The following SMCO4 variants were observed in gnomAD, a reference collection of about 807,000 sequenced individuals.
The protein encoded by SMCO4 is single-pass membrane protein with coiled-coil domains 4.
SMCO4 carries 4 observed loss-of-function variants against 3.6 expected under a neutral mutation model. The ratio of observed to expected loss-of-function variants is 1.11; its 90% CI spans 0.54 to 2.53. SMCO4 has a LOEUF of 2.53. SMCO4 is among the 30% of genes most tolerant of loss of function. The pLI is 0.02. For synonymous variants in SMCO4, 36 were observed against 35.3 expected (o/e 1.02, Z -0.07); for missense variants, 70 against 80.8 (o/e 0.87, Z 0.51).
At chr11:93,497,548 C>G (rs1039270077) in intron 2 of SMCO4, among the ~76,000 whole-genome samples, 3 of 152,066 alleles carry the variant, frequency 2.0e-5, no homozygotes, top group Non-Finnish European at 4.4e-5. Flanking sequence ...AGACTCTCAA[C>G]AGAAGGTCAA....
Position 93,484,359 on chromosome 11 carries a change from G to A in SMCO4, c.-80-5090C>T, listed in dbSNP as rs1948624409. Among the ~76,000 whole-genome samples, 3 of 152,130 alleles carry A rather than the reference G, an allele frequency of 2.0e-5. No homozygotes were observed. In the South Asian group the frequency reaches 6.2e-4, roughly 32 times the overall value. ...CTTATATGCACTTTTCTCCGATTTG[G>A]AGATTATAATGTACACAGAGTGTTA... On this transcript the variant is annotated intron_variant, in intron 2 of 2. Coordinates refer to ENST00000298966, the MANE Select transcript of SMCO4 (RefSeq NM_020179.3).
chr11:93,490,744 A>T (rs1371241869), intron 2 of SMCO4, among the ~76,000 whole-genome samples: 1 of 152,242 alleles, frequency 6.6e-6, no homozygotes, highest in African/African-American at 2.4e-5. Context: ...GAAGTGCTAG[A>T]TTTAGCTGCG....
At chr11:93,495,463 G>A (rs1267294428) in intron 2 of SMCO4, among the ~76,000 whole-genome samples, 2 of 152,054 alleles carry the variant, frequency 1.3e-5, no homozygotes, top group Non-Finnish European at 2.9e-5. Context: ...GACACACACA[G>A]GAGTAAAGCT....
At chr11:93,551,335 A>G in the SMCO4 span, among the ~76,000 whole-genome samples, 90 of 152,328 alleles carry the variant, frequency 5.9e-4, no homozygotes, top group Non-Finnish European at 6.6e-4. Flanking sequence ...GTATTGGCCC[A>G]GTGAGGAACC....
At chr11:93,508,886 C>G (rs1428686377) in intron 1 of SMCO4, among the ~76,000 whole-genome samples, 1 of 152,218 alleles carries the variant, frequency 6.6e-6, no homozygotes, top group African/African-American at 2.4e-5. Flanking sequence ...AAGTAGACCT[C>G]TGCAGAGCCT....
chr11:93,535,399 T>A, intron 1 of SMCO4: 1 of 901,946 alleles, frequency 1.1e-6, no homozygotes, highest in Non-Finnish European at 1.7e-6. Flanking sequence ...GCAATAAGAA[T>A]CAAGAAGCCA....
intron 2 of SMCO4, among the ~76,000 whole-genome samples, chr11:93,481,036 C>CAG (rs1462658768): frequency 1.1e-5 from 1 of 91,402 alleles, no homozygotes; most frequent in Admixed American, 1.4e-4. Flanking sequence ...AAATAAGGAA[C>CAG]AGAGAGAAAA....
At chr11:93,518,713 A>AT (rs1949031198) in intron 1 of SMCO4, among the ~76,000 whole-genome samples, 1 of 152,234 alleles carries the variant, frequency 6.6e-6, no homozygotes, top group Non-Finnish European at 1.5e-5. Context: ...AAGAGAAAAG[A>AT]TATGTAATTC....
At chr11:93,487,364 G>T (rs1241036435) in intron 2 of SMCO4, among the ~76,000 whole-genome samples, 1 of 152,164 alleles carries the variant, frequency 6.6e-6, no homozygotes, top group Non-Finnish European at 1.5e-5. Context: ...AGCCACACAG[G>T]TGCCAGCTCC....
chr11:93,507,867 T>C (rs151135664), intron 1 of SMCO4, among the ~76,000 whole-genome samples: 2,007 of 152,316 alleles, frequency 0.013, 21 homozygotes, highest in Non-Finnish European at 0.021. Flanking sequence ...TGCAAAAGCA[T>C]TTATGAGACT....
At chr11:93,518,247 C>T (rs893233151) in intron 1 of SMCO4, among the ~76,000 whole-genome samples, 3 of 152,150 alleles carry the variant, frequency 2.0e-5, no homozygotes, top group South Asian at 2.1e-4. Flanking sequence ...CATGTTCTTG[C>T]GGTTTATGCA....
chr11:93,509,185 G>A (rs1182454338), intron 1 of SMCO4, among the ~76,000 whole-genome samples: 2 of 152,050 alleles, frequency 1.3e-5, no homozygotes, highest in Non-Finnish European at 2.9e-5. Flanking sequence ...CAGATACTCG[G>A]GAGGCCAAAG....
chr11:93,549,348 G>T, the SMCO4 span, among the ~76,000 whole-genome samples: 1 of 152,182 alleles, frequency 6.6e-6, no homozygotes, highest in Non-Finnish European at 1.5e-5. Flanking sequence ...TAACCTCTTT[G>T]GTCATAGTTC....
chr11:93,515,818 C>T (rs1217660452), intron 1 of SMCO4, among the ~76,000 whole-genome samples: 4 of 152,194 alleles, frequency 2.6e-5, no homozygotes, highest in Admixed American at 6.5e-5. Context: ...CACCACTGTA[C>T]GTCTCCCCAG....
intron 1 of SMCO4, among the ~76,000 whole-genome samples, chr11:93,515,065 A>C (rs2134614891): frequency 6.6e-6 from 1 of 152,314 alleles, no homozygotes; most frequent in Non-Finnish European, 1.5e-5. Context: ...AGCTCATCTG[A>C]CCTGGAGGCA....
intron 1 of SMCO4, chr11:93,535,505 C>A: frequency 1.4e-6 from 2 of 1,387,224 alleles, no homozygotes; most frequent in Non-Finnish European, 2.0e-6. Flanking sequence ...CCTGACGGAG[C>A]TGACCAGACT....
At chr11:93,487,364 G>A (rs1241036435) in intron 2 of SMCO4, among the ~76,000 whole-genome samples, 1 of 152,164 alleles carries the variant, frequency 6.6e-6, no homozygotes, top group Non-Finnish European at 1.5e-5. Context: ...AGCCACACAG[G>A]TGCCAGCTCC....
intron 1 of SMCO4, among the ~76,000 whole-genome samples, chr11:93,534,825 G>A (rs1178443751): frequency 6.6e-6 from 1 of 152,184 alleles, no homozygotes; most frequent in East Asian, 1.9e-4. Context: ...GAAGCCACCA[G>A]ACGCCTTCTC....
chr11:93,516,405 A>G (rs1322213183), intron 1 of SMCO4, among the ~76,000 whole-genome samples: 1 of 152,238 alleles, frequency 6.6e-6, no homozygotes, highest in Non-Finnish European at 1.5e-5. Context: ...TTATTTGGGC[A>G]CTAAATTGTG....
Sources: allele counts gnomAD v4.1 joint callset (sites outside exome capture counted in the v4.1 genomes callset), GRCh38; gene constraint gnomAD v4.1.1; transcripts MANE v1.5; gene names NCBI Gene and HGNC (gene_info 2026-07-23, HGNC 2026-07-21).